The following HS3ST3A1 variants were observed in gnomAD, a reference collection of about 807,000 sequenced individuals.
HS3ST3A1 encodes heparan sulfate glucosamine 3-O-sulfotransferase 3A1.
A neutral mutation model predicts 25.7 loss-of-function variants in HS3ST3A1; 19 were observed. The ratio of observed to expected loss-of-function variants is 0.74; its 90% CI spans 0.52 to 1.08. The LOEUF is 1.08. Among genes scored for constraint, HS3ST3A1 ranks in the 50% least tolerant of loss-of-function variants. HS3ST3A1 has a pLI of 0.00. For missense variants in HS3ST3A1, 459 were observed against 594.3 expected (o/e 0.77, Z 2.37); for synonymous variants, 226 against 278.6 (o/e 0.81, Z 1.88).
rs1039931940 is a variant in HS3ST3A1 at position 13,513,054 on chromosome 17, A to C, written c.600-16236T>G. The stretch of plus-strand genomic sequence containing the variant: ...CATAACTTTTTAAATGTTCAGACAT[A>C]GGGTATGCGGGCCTTCATTCAGGGA... On this transcript the variant is annotated intron_variant, in intron 1 of 1. Coordinates refer to ENST00000284110, the MANE Select transcript of HS3ST3A1 (RefSeq NM_006042.3). Among the ~76,000 whole-genome samples the C allele has an allele frequency of 7.2e-5, 11 of 152,338 alleles. No individual in the cohort carries two copies. The South Asian group carries it at 2.3e-3, about 32-fold the overall frequency.
chr17:13,545,986 TA>T (rs554247714), intron 1 of HS3ST3A1, among the ~76,000 whole-genome samples: 2 of 151,406 alleles, frequency 1.3e-5, no homozygotes, highest in Non-Finnish European at 2.9e-5. Flanking sequence ...CAAAATAATT[TA>T]AAAAAAAGTA....
intron 1 of HS3ST3A1, among the ~76,000 whole-genome samples, chr17:13,522,029 G>T (rs1906263181): frequency 1.3e-5 from 2 of 152,054 alleles, no homozygotes; most frequent in Admixed American, 1.3e-4. Flanking sequence ...TGTCTCCTGG[G>T]GGCAAAACTG....
rs752713332 is a variant in HS3ST3A1, at chr17:13,600,993, C to A, written c.137G>T (p.Cys46Phe). 83 of 1,573,188 alleles carry A rather than the reference C, an allele frequency of 5.3e-5. No homozygotes were observed. Among genetic ancestry groups the A allele is most frequent in the Non-Finnish European group, 1.7e-5 (20 of 1,159,628 alleles). The part of the protein sequence containing the change: ...LYVFYCLAER[C>F]QTLSGPVVGL... ...CACGACGGGGCCGGACAGGGTCTGG[C>A]AGCGCTCGGCCAGGCAGTAGAAGAC... The change falls in exon 1 of 2, where the codon TGC becomes TTC. Residue 46 changes from cysteine to phenylalanine, a missense_variant. By Grantham distance (205) the Cys-to-Phe change is radical. This residue lies in a region of HS3ST3A1 where 346 missense variants were observed against 303.9 expected (regional missense o/e 1.14). Transcript: ENST00000284110.
chr17:13,572,264 A>T (rs1907837097), intron 1 of HS3ST3A1, among the ~76,000 whole-genome samples: 1 of 152,164 alleles, frequency 6.6e-6, no homozygotes, highest in Non-Finnish European at 1.5e-5. Flanking sequence ...TTTTGAGAGG[A>T]TAATACTGAG....
chr17:13,542,313 A>G, intron 1 of HS3ST3A1, among the ~76,000 whole-genome samples: 1 of 137,250 alleles, frequency 7.3e-6, no homozygotes, highest in African/African-American at 2.8e-5. Context: ...TGGGCAACAG[A>G]GCGAGACTCT....
At chr17:13,521,652 A>T (rs1906243695) in intron 1 of HS3ST3A1, among the ~76,000 whole-genome samples, 1 of 152,348 alleles carries the variant, frequency 6.6e-6, no homozygotes, top group East Asian at 1.9e-4. Flanking sequence ...GAGTACATCA[A>T]GCACTATAAT....
rs374092823 is a variant in HS3ST3A1 at position 13,496,750 on chromosome 17, C to T, written c.668G>A (p.Arg223Gln). Residue 223 changes from arginine (R) to glutamine (Q), a missense_variant, in exon 2 of 2, where the codon CGG becomes CAG. Arg to Gln is a conservative substitution (Grantham distance 43). Coordinates refer to ENST00000284110, the MANE Select transcript of HS3ST3A1 (RefSeq NM_006042.3). ...GGCCGAGATGCGCGCGGGGGCCTCC[C>T]GCGTGACGAAGTAACTGGGCGTCTT... ...MEKTPSYFVT[R>Q]EAPARISAMS... 5 of 1,614,118 alleles carry T rather than the reference C, an allele frequency of 3.1e-6. No homozygotes were observed. The highest frequency in any genetic ancestry group is 1.3e-5 in the African/African-American group (1 of 75,040).
chr17:13,580,608 G>T lies in HS3ST3A1; in HGVS notation c.599+19923C>A, dbSNP rs564394514. Among the ~76,000 whole-genome samples, 3 of 152,276 alleles carry T rather than the reference G, an allele frequency of 2.0e-5. No individual in the cohort carries two copies. In the South Asian group the frequency reaches 6.2e-4, roughly 32 times the overall value. On this transcript the variant is annotated intron_variant, in intron 1 of 1. Coordinates refer to ENST00000284110, the MANE Select transcript of HS3ST3A1 (RefSeq NM_006042.3). Reference sequence around the variant, plus strand: ...AGGGGTAAGACTCAGAACACACACAGTGGACCAGGTGCAGTGGCTCACGCC... The same window carrying T: ...AGGGGTAAGACTCAGAACACACACATTGGACCAGGTGCAGTGGCTCACGCC...
intron 1 of HS3ST3A1, among the ~76,000 whole-genome samples, chr17:13,556,962 C>T (rs897552716): frequency 5.3e-5 from 8 of 151,914 alleles, no homozygotes; most frequent in African/African-American, 1.5e-4. Context: ...CTCAGGACAG[C>T]GAACAGATTC....
At chr17:13,571,027 T>C (rs1475932533) in intron 1 of HS3ST3A1, among the ~76,000 whole-genome samples, 1 of 152,174 alleles carries the variant, frequency 6.6e-6, no homozygotes, top group Non-Finnish European at 1.5e-5. Flanking sequence ...TTCTTAGGTG[T>C]CCGTAAACCT....
At chr17:13,589,251 C>T (rs1260917113) in intron 1 of HS3ST3A1, among the ~76,000 whole-genome samples, 1 of 152,156 alleles carries the variant, frequency 6.6e-6, no homozygotes, top group Non-Finnish European at 1.5e-5. Context: ...GCACTAGGAG[C>T]CCTCCTTCCT....
In HS3ST3A1 at chr17:13,494,195, G is replaced by A. The variant is rs1905210884; in HGVS notation, c.*2002C>T. Among the ~76,000 whole-genome samples, 1 of 152,174 alleles carries A rather than the reference G, an allele frequency of 6.6e-6. No homozygotes were observed. Among genetic ancestry groups the A allele is most frequent in the Non-Finnish European group, 1.5e-5 (1 of 68,034 alleles). On this transcript the variant is annotated 3_prime_UTR_variant, in exon 2 of 2. Transcript: ENST00000284110. The stretch of plus-strand genomic sequence containing the variant: ...AATGAGCTAAGAGAAATGATGACAA[G>A]AGTTTAAAATGAGTATCTTGTTGCA...
At chr17:13,585,860 T>C (rs1186295254) in intron 1 of HS3ST3A1, among the ~76,000 whole-genome samples, 1 of 141,218 alleles carries the variant, frequency 7.1e-6, no homozygotes, top group African/African-American at 2.7e-5. Flanking sequence ...TTTTTTTTTT[T>C]TTTTTTTCTG....
chr17:13,567,018 G>C (rs555164596), intron 1 of HS3ST3A1, among the ~76,000 whole-genome samples: 2 of 152,336 alleles, frequency 1.3e-5, no homozygotes, highest in African/African-American at 4.8e-5. Flanking sequence ...TGCCATGTAG[G>C]AATTTCATAG....
rs1397821650 is a variant in HS3ST3A1, at chr17:13,549,025, CTG to C, written c.599+51504_599+51505del. On this transcript the variant is annotated intron_variant, in intron 1 of 1. Coordinates refer to ENST00000284110, the MANE Select transcript of HS3ST3A1 (RefSeq NM_006042.3). ...CGATCTGCTCCGGTCCCTTGCCACA[CTG>C]TGGAAGCTTTGTTCTTTTGCTTTTC... Among the ~76,000 whole-genome samples, 12 of 152,234 alleles carry C rather than the reference CTG, an allele frequency of 7.9e-5. No homozygotes were observed. In the East Asian group the frequency reaches 2.3e-3, roughly 29 times the overall value.
intron 1 of HS3ST3A1, among the ~76,000 whole-genome samples, chr17:13,544,647 C>T (rs1907033148): frequency 6.6e-6 from 1 of 152,070 alleles, no homozygotes; most frequent in Admixed American, 6.5e-5. Context: ...ATGGCGCCTC[C>T]ACAAACCCAG....
At chr17:13,503,969 G>A (rs565715226) in intron 1 of HS3ST3A1, among the ~76,000 whole-genome samples, 53 of 152,276 alleles carry the variant, frequency 3.5e-4, no homozygotes, top group Middle Eastern at 6.8e-3. Flanking sequence ...CAAAATAGAC[G>A]CACGTAGACA....
chr17:13,519,609 C>G (rs1258584298), intron 1 of HS3ST3A1, among the ~76,000 whole-genome samples: 4 of 152,170 alleles, frequency 2.6e-5, no homozygotes, highest in Non-Finnish European at 5.9e-5. Context: ...TAAGAGCCAA[C>G]TGCTACATGA....
intron 1 of HS3ST3A1, among the ~76,000 whole-genome samples, chr17:13,558,615 T>C (rs1020994020): frequency 1.3e-5 from 2 of 152,214 alleles, no homozygotes; most frequent in Non-Finnish European, 2.9e-5. Context: ...AGTTTTATTT[T>C]CTTTAAAACG....
Sources: gnomAD v4.1 joint callset for allele counts (sites outside exome capture counted in the v4.1 genomes callset) on GRCh38, gnomAD v4.1.1 for gene constraint, gnomAD v4.1.1 regional missense constraint, MANE v1.5 for transcripts, NCBI Gene and HGNC (gene_info 2026-07-23, HGNC 2026-07-21) for gene names.